The following STK24 variants were observed in gnomAD, a reference collection of about 807,000 sequenced individuals.
The protein encoded by STK24 is serine/threonine kinase 24, also known as serine/threonine-protein kinase 24.
In STK24, 21 loss-of-function variants were observed where a neutral mutation model predicts 55.6. The observed-to-expected ratio is 0.38, with a 90% CI of 0.27 to 0.54. STK24 has a LOEUF of 0.54. Ranked by LOEUF, STK24 falls within the 20% of genes least tolerant of loss-of-function variation. The pLI is 0.79. For synonymous variants in STK24, 200 were observed against 215.2 expected, an observed-to-expected ratio of 0.93 and a Z score of 0.62; for missense variants, 383 against 538.4, an observed-to-expected ratio of 0.71 and a Z score of 2.86.
At chr13:98,502,357 AGGTCTTAAAGCCCTAGAAACAG>A (rs1255575826) in intron 2 of STK24, among the ~76,000 whole-genome samples, 2 of 152,194 alleles carry the variant, frequency 1.3e-5, no homozygotes, top group Non-Finnish European at 2.9e-5. Context: ...ACCTTACTCT[AGGTCTTAAAGCCCTAGAAACAG>A]GGTCTTAGGA....
At chr13:98,552,947 C>G (rs9517346) in intron 1 of STK24, among the ~76,000 whole-genome samples, 30,005 of 151,920 alleles carry the variant, frequency 0.2, 3,097 homozygotes, top group South Asian at 0.27. Context: ...GTGAGCTCCA[C>G]CGTCAGCGAT....
chr13:98,488,199 ACACACACG>A (rs1213312072), intron 2 of STK24, among the ~76,000 whole-genome samples: 3 of 149,320 alleles, frequency 2.0e-5, no homozygotes, highest in African/African-American at 7.4e-5. Context: ...ACACACACAC[ACACACACG>A]GGAAGACCAC....
At chr13:98,554,340 A>G (rs879346508) in intron 1 of STK24, among the ~76,000 whole-genome samples, 5 of 152,324 alleles carry the variant, frequency 3.3e-5, no homozygotes, top group Admixed American at 6.5e-5. Context: ...AAAACAGGAC[A>G]TTTCACTTTA....
chr13:98,529,035 C>T (rs889720875), intron 1 of STK24, among the ~76,000 whole-genome samples: 1 of 152,158 alleles, frequency 6.6e-6, no homozygotes, highest in Admixed American at 6.5e-5. Context: ...CTACTCACCC[C>T]AGCCAGTCAC....
At chr13:98,478,822 A>T (rs1012200306) in intron 3 of STK24, among the ~76,000 whole-genome samples, 5 of 151,786 alleles carry the variant, frequency 3.3e-5, no homozygotes, top group African/African-American at 1.2e-4. Context: ...CTGATCTTTT[A>T]ATCAGCTAAA....
chr13:98,493,237 T>C (rs1895110784), intron 2 of STK24, among the ~76,000 whole-genome samples: 1 of 152,236 alleles, frequency 6.6e-6, no homozygotes, highest in Admixed American at 6.5e-5. Context: ...TGTGTGCGTG[T>C]GCTCGCGTCC....
At chr13:98,569,644 G>T (rs1425599555) in intron 1 of STK24, among the ~76,000 whole-genome samples, 1 of 151,952 alleles carries the variant, frequency 6.6e-6, no homozygotes, top group Non-Finnish European at 1.5e-5. Context: ...AAAGAAATCT[G>T]ATCAGTAACT....
At position 98,446,253 on chromosome 13, in the gene STK24, A is replaced by C. The variant is rs771382222; in HGVS notation, c.*6920T>G. 2.3e-6 allele frequency: 3 copies of C among 1,292,034 alleles called. No individual in the cohort carries two copies. In the African/African-American group the frequency reaches 4.4e-5, roughly 19 times the overall value. The allele number at this position is 1,292,034 out of a possible 1,614,324, so 80.0% of individuals were successfully genotyped here. A position where few individuals can be genotyped will look rare whatever the true frequency, so the allele number is the denominator to read the frequency against. ...GTGGCCCTGGGACCTTGGGGGTGGC[A>C]GCATGAGGTGAGGGGGCCGCCCTCC... is the stretch of plus-strand genomic sequence containing the variant. On this transcript the variant is annotated 3_prime_UTR_variant, in exon 11 of 11. Transcript: ENST00000539966.
At chr13:98,463,886 T>C (rs759620103) in intron 6 of STK24, 50 bp from the exon 7 acceptor site, 2 of 1,593,680 alleles carry the variant, frequency 1.3e-6, no homozygotes, top group Non-Finnish European at 1.7e-6. Flanking sequence ...TTCTTGGTCC[T>C]ACCCCAAAGG....
At chr13:98,453,331 A>G (rs1893289818) in intron 10 of STK24, 122 bp from the exon 11 acceptor site, 2 of 954,042 alleles carry the variant, frequency 2.1e-6, no homozygotes, top group South Asian at 3.0e-5. Context: ...AAATAAGTGG[A>G]GCAAATATCA....
At chr13:98,575,385 CAT>C (rs559657825) in intron 1 of STK24, among the ~76,000 whole-genome samples, 3 of 148,926 alleles carry the variant, frequency 2.0e-5, no homozygotes, top group Non-Finnish European at 3.0e-5. Flanking sequence ...TATATACACA[CAT>C]ATATATACTG....
intron 2 of STK24, among the ~76,000 whole-genome samples, chr13:98,497,118 C>T (rs181351357): frequency 2.6e-5 from 4 of 152,266 alleles, no homozygotes; most frequent in African/African-American, 7.2e-5. Context: ...GCCCACTCTT[C>T]GGCACACCTC....
At chr13:98,467,377 AATGTC>A (rs1893965457) in intron 5 of STK24, among the ~76,000 whole-genome samples, 1 of 152,088 alleles carries the variant, frequency 6.6e-6, no homozygotes, top group African/African-American at 2.4e-5. Context: ...CGAATTCCTT[AATGTC>A]ATGTATAATT....
intron 1 of STK24, among the ~76,000 whole-genome samples, chr13:98,566,964 C>T (rs375134757): frequency 4.8e-4 from 73 of 152,174 alleles, no homozygotes; most frequent in Non-Finnish European, 8.7e-4. Context: ...CAAAGTTCGA[C>T]GAAACTATAC....
At chr13:98,527,572 C>A (rs1282887714) in intron 1 of STK24, among the ~76,000 whole-genome samples, 3 of 152,236 alleles carry the variant, frequency 2.0e-5, no homozygotes, top group African/African-American at 7.2e-5. Flanking sequence ...TCCCACGGGC[C>A]ACCGGCACCC....
chr13:98,490,465 C>T (rs750097117), intron 2 of STK24, among the ~76,000 whole-genome samples: 6 of 152,108 alleles, frequency 3.9e-5, no homozygotes, highest in Admixed American at 6.6e-5. Flanking sequence ...ACATTACATC[C>T]TGTGGGTCAC....
intron 10 of STK24, chr13:98,456,291 G>A: frequency 2.8e-6 from 1 of 356,266 alleles, no homozygotes. Flanking sequence ...TTTATGTACT[G>A]TCAGGTGGGA....
Position 98,448,670 on chromosome 13 carries a change from T to TAA in STK24, c.*4501_*4502dup. The TAA allele has an allele frequency of 5.2e-6, 1 of 191,226 alleles. No individual in the cohort carries two copies. The highest frequency in any genetic ancestry group is 1.1e-5 in the Non-Finnish European group (1 of 93,700). The allele number at this position is 191,226 out of a possible 1,614,324, so 11.8% of individuals were successfully genotyped here. On this transcript the variant is annotated 3_prime_UTR_variant, in exon 11 of 11. Coordinates refer to ENST00000539966, the MANE Select transcript of STK24 (RefSeq NM_001032296.4). The stretch of plus-strand genomic sequence containing the variant: ...AAGACAGGGCAAGTGTTTTTCTTCC[T>TAA]AAAAAAAGTTCTTTCTTTTATTATT...
chr13:98,495,751 T>G (rs1895230743), intron 2 of STK24, among the ~76,000 whole-genome samples: 1 of 152,210 alleles, frequency 6.6e-6, no homozygotes, highest in African/African-American at 2.4e-5. Context: ...AGCCTACAAT[T>G]TTTACCCCAT....
Sources: allele counts gnomAD v4.1 joint callset (sites outside exome capture counted in the v4.1 genomes callset), GRCh38; gene constraint gnomAD v4.1.1; transcripts MANE v1.5; gene names NCBI Gene and HGNC (gene_info 2026-07-23, HGNC 2026-07-21).